Variants in ST6GALNAC3 observed in about 807,000 individuals in gnomAD.
ST6GALNAC3 encodes the protein alpha-N-acetylgalactosaminide alpha-2,6-sialyltransferase 3.
A neutral mutation model predicts 32.7 loss-of-function variants in ST6GALNAC3; 25 were observed. That is an observed-to-expected ratio of 0.76 (90% CI 0.56 to 1.07). ST6GALNAC3 has a LOEUF of 1.07. ST6GALNAC3 is among the 50% of genes least tolerant of loss of function. ST6GALNAC3 has a pLI of 0.00. For missense variants in ST6GALNAC3, 355 were observed against 382.4 expected (o/e 0.93, Z 0.60); for synonymous variants, 129 against 133.1 (o/e 0.97, Z 0.21).
At chr1:76,199,538 G>T (rs1406526794) in intron 1 of ST6GALNAC3, among the ~76,000 whole-genome samples, 3 of 152,176 alleles carry the variant, frequency 2.0e-5, no homozygotes, top group African/African-American at 7.2e-5. Context: ...GTTCAATATT[G>T]TATAATTTTT....
chr1:76,365,314 G>A (rs1198096670), intron 2 of ST6GALNAC3, among the ~76,000 whole-genome samples: 1 of 152,058 alleles, frequency 6.6e-6, no homozygotes, highest in African/African-American at 2.4e-5. Flanking sequence ...ATAGACACTG[G>A]GGACTCCAAA....
At chr1:76,135,523 C>A (rs117497944) in intron 1 of ST6GALNAC3, among the ~76,000 whole-genome samples, 1 of 152,292 alleles carries the variant, frequency 6.6e-6, no homozygotes, top group South Asian at 2.1e-4. Flanking sequence ...CAGACTGTTT[C>A]ACCTACTCAG....
At chr1:76,192,445 C>A (rs936273191) in intron 1 of ST6GALNAC3, among the ~76,000 whole-genome samples, 1 of 152,268 alleles carries the variant, frequency 6.6e-6, no homozygotes. Flanking sequence ...CCTGCTCTCA[C>A]AGGACATCTG....
Position 76,420,207 on chromosome 1 carries a change from C to T in ST6GALNAC3, c.623+7790C>T, listed in dbSNP as rs151267378. Among the ~76,000 whole-genome samples the T allele has an allele frequency of 2.5e-4, 38 of 152,074 alleles. No individual in the cohort carries two copies. The East Asian group carries it at 5.8e-3, about 23-fold the overall frequency. On this transcript the variant is annotated intron_variant, in intron 3 of 4. Coordinates refer to ENST00000328299, the MANE Select transcript of ST6GALNAC3 (RefSeq NM_152996.4). ...TTCATTTTTAACAAGTTTCCAGGCC[C>T]GGCCATCCTGTTCATCTGCAGATGG...
At chr1:76,289,707 A>G (rs1242242291) in intron 1 of ST6GALNAC3, among the ~76,000 whole-genome samples, 1 of 152,242 alleles carries the variant, frequency 6.6e-6, no homozygotes, top group Non-Finnish European at 1.5e-5. Flanking sequence ...AGAGGTTTAC[A>G]TGTTGTACTT....
chr1:76,313,651 A>G (rs1200455658), intron 1 of ST6GALNAC3, 154 bp from the exon 2 acceptor site: 1 of 901,376 alleles, frequency 1.1e-6, no homozygotes, highest in Non-Finnish European at 1.8e-6. Flanking sequence ...TTGGTCACCA[A>G]ATAATTATTT....
At chr1:76,581,489 G>C (rs1646891182) in intron 3 of ST6GALNAC3, among the ~76,000 whole-genome samples, 1 of 152,116 alleles carries the variant, frequency 6.6e-6, no homozygotes, top group Non-Finnish European at 1.5e-5. Flanking sequence ...CAGCTGGGGA[G>C]CAATGGTAAA....
intron 1 of ST6GALNAC3, among the ~76,000 whole-genome samples, chr1:76,170,794 G>A (rs1652439974): frequency 6.6e-6 from 1 of 152,178 alleles, no homozygotes; most frequent in African/African-American, 2.4e-5. Context: ...ACAAAGCATT[G>A]TTGTTGCATC....
At chr1:76,405,445 C>G (rs1243976671) in intron 2 of ST6GALNAC3, among the ~76,000 whole-genome samples, 2 of 151,962 alleles carry the variant, frequency 1.3e-5, no homozygotes, top group Non-Finnish European at 2.9e-5. Flanking sequence ...GCACTTGTCC[C>G]AATATATCAC....
intron 3 of ST6GALNAC3, among the ~76,000 whole-genome samples, chr1:76,554,534 G>A (rs751671610): frequency 3.3e-5 from 5 of 152,102 alleles, no homozygotes; most frequent in Admixed American, 6.5e-5. Context: ...CCTGAAGGCT[G>A]GAGTCAGGAG....
At chr1:76,310,594 G>A (rs1646743819) in intron 1 of ST6GALNAC3, among the ~76,000 whole-genome samples, 2 of 152,156 alleles carry the variant, frequency 1.3e-5, no homozygotes, top group African/African-American at 4.8e-5. Context: ...CTGTGACCCT[G>A]GCCCTGGGAG....
chr1:76,261,532 C>T (rs879919599), intron 1 of ST6GALNAC3, among the ~76,000 whole-genome samples: 46 of 152,246 alleles, frequency 3.0e-4, no homozygotes, highest in African/African-American at 9.6e-4. Flanking sequence ...TTACCTGCCA[C>T]GTGCCTCTGC....
At chr1:76,203,513 G>A (rs1416351161) in intron 1 of ST6GALNAC3, among the ~76,000 whole-genome samples, 1 of 59,124 alleles carries the variant, frequency 1.7e-5, no homozygotes, top group Non-Finnish European at 4.0e-5. Context: ...GAGGGAAAAG[G>A]TGACTTGTGT....
At chr1:76,572,553 G>A (rs762942349) in intron 3 of ST6GALNAC3, among the ~76,000 whole-genome samples, 19 of 151,980 alleles carry the variant, frequency 1.3e-4, no homozygotes, top group Non-Finnish European at 2.6e-4. Flanking sequence ...CCAGTTTCTG[G>A]GAAGAATTTT....
rs150777710 is a variant in ST6GALNAC3, at chr1:76,089,524, G to C, written c.18+14640G>C. Among the ~76,000 whole-genome samples the C allele has an allele frequency of 7.1e-4, 108 of 152,310 alleles. 5 individuals carry two copies. Among genetic ancestry groups the C allele is most frequent in the African/African-American group, 2.5e-3 (105 of 41,544 alleles). On this transcript the variant is annotated intron_variant, in intron 1 of 4. Coordinates refer to ENST00000328299, the MANE Select transcript of ST6GALNAC3 (RefSeq NM_152996.4). The stretch of plus-strand genomic sequence containing the variant: ...GATATAAGTGTGCTTGTTTATGACA[G>C]AGCTTGGAGTTGTATGTATCAAAAG...
intron 1 of ST6GALNAC3, among the ~76,000 whole-genome samples, chr1:76,161,886 G>T (rs1211236986): frequency 6.6e-6 from 1 of 152,292 alleles, no homozygotes; most frequent in African/African-American, 2.4e-5. Context: ...TCCAGAGTTT[G>T]CATTAGTGCT....
rs1251810293 is a variant in ST6GALNAC3, at chr1:76,124,150, G to C, written c.18+49266G>C. On this transcript the variant is annotated intron_variant, in intron 1 of 4. Coordinates refer to ENST00000328299, the MANE Select transcript of ST6GALNAC3 (RefSeq NM_152996.4). ...AAAGAAAAGGGGCACGCAGAATTTA[G>C]TGGAACTCCCGACTACGATTGCTGG... is the stretch of plus-strand genomic sequence containing the variant. 3.3e-5 allele frequency among the ~76,000 whole-genome samples: 5 copies of C among 152,192 alleles called. No individual in the cohort carries two copies. In the East Asian group the frequency reaches 9.7e-4, roughly 29 times the overall value.
intron 3 of ST6GALNAC3, among the ~76,000 whole-genome samples, chr1:76,429,604 T>C (rs1376529341): frequency 1.3e-5 from 2 of 152,148 alleles, no homozygotes; most frequent in Non-Finnish European, 2.9e-5. Context: ...ACCTTCAATA[T>C]GTGCTCAACA....
intron 3 of ST6GALNAC3, among the ~76,000 whole-genome samples, chr1:76,458,582 G>T (rs941284778): frequency 2.0e-5 from 3 of 149,496 alleles, no homozygotes; most frequent in African/African-American, 7.5e-5. Context: ...CATGTCCTTT[G>T]TAGGGACATG....
Sources: allele counts gnomAD v4.1 joint callset (sites outside exome capture counted in the v4.1 genomes callset), GRCh38; gene constraint gnomAD v4.1.1; transcripts MANE v1.5; gene names NCBI Gene and HGNC (gene_info 2026-07-23, HGNC 2026-07-21).